Variants in ZNRF1 observed in about 807,000 individuals in gnomAD.
ZNRF1 encodes the protein zinc and ring finger 1.
Under a neutral mutation model 18.4 loss-of-function variants are expected in ZNRF1, and 3 were observed. The ratio of observed to expected loss-of-function variants is 0.16; its 90% CI spans 0.07 to 0.42. The LOEUF (loss-of-function observed/expected upper bound fraction) is 0.42, where lower values mean the gene tolerates loss of function less well. Ranked by LOEUF, ZNRF1 falls within the 10% of genes least tolerant of loss-of-function variation. ZNRF1 has a pLI of 0.99. For synonymous variants in ZNRF1, 157 were observed against 144.2 expected (o/e 1.09, Z -0.64); for missense variants, 310 against 329.8 (o/e 0.94, Z 0.47).
At chr16:75,003,250 C>A (rs557786972) in intron 1 of ZNRF1, among the ~76,000 whole-genome samples, 74 of 152,380 alleles carry the variant, frequency 4.9e-4, no homozygotes, top group Middle Eastern at 6.8e-3. Flanking sequence ...GCGTGAGCCA[C>A]TGCGCCCTGC....
chr16:75,066,064 A>T (rs998488194), intron 1 of ZNRF1, among the ~76,000 whole-genome samples: 1 of 152,348 alleles, frequency 6.6e-6, no homozygotes, highest in East Asian at 1.9e-4. Context: ...CTTTGCAGCT[A>T]GGCTCCAAAC....
chr16:75,104,246 T>C (rs958909090), intron 2 of ZNRF1: 2 of 152,466 alleles, frequency 1.3e-5, no homozygotes, highest in African/African-American at 4.8e-5. Flanking sequence ...CATCATCTTT[T>C]GTTTATCCGT....
rs761702393 is a variant in ZNRF1, at chr16:75,108,200, A to G, written c.*500A>G. 5 of 171,442 alleles carry G rather than the reference A, an allele frequency of 2.9e-5. No individual in the cohort carries two copies. The highest frequency in any genetic ancestry group is 1.7e-4 in the East Asian group (1 of 6,050). The allele number at this position is 171,442 out of a possible 1,614,324, so 10.6% of individuals were successfully genotyped here. A position where few individuals can be genotyped will look rare whatever the true frequency, so the allele number is the denominator to read the frequency against. On this transcript the variant is annotated 3_prime_UTR_variant, in exon 5 of 5. Coordinates refer to ENST00000335325, the MANE Select transcript of ZNRF1 (RefSeq NM_032268.5). ...CCCCAACTGGCCCTCTCCACCACCA[A>G]CTTCTCTACTTTGGGTTTGTTTGGT...
At chr16:75,029,396 C>T (rs1230542088) in intron 1 of ZNRF1, among the ~76,000 whole-genome samples, 4 of 152,160 alleles carry the variant, frequency 2.6e-5, no homozygotes, top group African/African-American at 9.7e-5. Flanking sequence ...GATTCGCCTG[C>T]CTCGGCTTCC....
intron 1 of ZNRF1, among the ~76,000 whole-genome samples, chr16:75,004,600 T>C (rs955263565): frequency 2.6e-5 from 4 of 152,084 alleles, no homozygotes; most frequent in African/African-American, 9.7e-5. Context: ...TACAAGGTGA[T>C]TGTGTTTTGT....
intron 1 of ZNRF1, among the ~76,000 whole-genome samples, chr16:75,092,308 G>A (rs2036149400): frequency 1.3e-5 from 2 of 152,134 alleles, no homozygotes; most frequent in Non-Finnish European, 1.5e-5. Context: ...GGGTGGCAGA[G>A]GCGATAGAAA....
In ZNRF1 at chr16:75,023,512, C is replaced by T. The variant is rs367717915; in HGVS notation, c.424+23417C>T. 5.9e-5 allele frequency among the ~76,000 whole-genome samples: 9 copies of T among 152,170 alleles called. No homozygotes were observed. The South Asian group carries it at 1.2e-3, about 21-fold the overall frequency. Reference sequence around the variant, plus strand: ...CAGCCTGGCCAACATGGCCAAACCCCGTCTCTACTAAAAATACAAAAATTA... The same window carrying T: ...CAGCCTGGCCAACATGGCCAAACCCTGTCTCTACTAAAAATACAAAAATTA... On this transcript the variant is annotated intron_variant, in intron 1 of 4. Coordinates refer to ENST00000335325, the MANE Select transcript of ZNRF1 (RefSeq NM_032268.5).
intron 1 of ZNRF1, among the ~76,000 whole-genome samples, chr16:75,054,469 T>C (rs189433596): frequency 9.7e-4 from 148 of 152,314 alleles, no homozygotes; most frequent in African/African-American, 3.4e-3. Context: ...TTTTCCTGCC[T>C]GATTCTCTGG....
chr16:75,066,356 G>A (rs1191884497), intron 1 of ZNRF1, among the ~76,000 whole-genome samples: 2 of 152,020 alleles, frequency 1.3e-5, no homozygotes, highest in African/African-American at 4.8e-5. Context: ...CCAAAGGAGG[G>A]GAAGACATGA....
intron 1 of ZNRF1, among the ~76,000 whole-genome samples, chr16:75,018,527 C>T (rs2035100799): frequency 1.3e-5 from 2 of 152,024 alleles, no homozygotes; most frequent in South Asian, 4.1e-4. Flanking sequence ...GGAATGTTTC[C>T]TGCTTTTGGA....
chr16:75,006,912 A>T (rs1191553209), intron 1 of ZNRF1, among the ~76,000 whole-genome samples: 1 of 152,188 alleles, frequency 6.6e-6, no homozygotes, highest in Non-Finnish European at 1.5e-5. Flanking sequence ...TTAGGTTCTC[A>T]CTAGAACACA....
Position 75,107,728 on chromosome 16 carries a change from C to T in ZNRF1, c.*33-5C>T. 2 of 456,428 alleles carry T rather than the reference C, an allele frequency of 4.4e-6. No individual in the cohort carries two copies. Among genetic ancestry groups the T allele is most frequent in the Non-Finnish European group, 8.8e-6 (2 of 226,794 alleles). The allele number at this position is 456,428 out of a possible 1,614,324, so 28.3% of individuals were successfully genotyped here. ...AGCACGACTTATTTATTACGGTCCA[C>T]ACAGGGACAGAGCGCCCCTGCTCCA... is the stretch of plus-strand genomic sequence containing the variant. On this transcript the variant is annotated splice_polypyrimidine_tract_variant and splice_region_variant and intron_variant, in intron 4 of 4. Coordinates refer to ENST00000335325, the MANE Select transcript of ZNRF1 (RefSeq NM_032268.5).
At chr16:75,028,072 A>G (rs112208748) in intron 1 of ZNRF1, among the ~76,000 whole-genome samples, 20 of 152,238 alleles carry the variant, frequency 1.3e-4, no homozygotes, top group African/African-American at 3.6e-4. Context: ...GCAAGGGCCA[A>G]TACCTCCATT....
chr16:75,091,870 C>G (rs1167084877), intron 1 of ZNRF1, among the ~76,000 whole-genome samples: 2 of 152,130 alleles, frequency 1.3e-5, no homozygotes, highest in African/African-American at 4.8e-5. Context: ...CACAACTTAA[C>G]TACTAATAGC....
At chr16:75,032,841 CCT>C (rs2035323837) in intron 1 of ZNRF1, among the ~76,000 whole-genome samples, 1 of 152,072 alleles carries the variant, frequency 6.6e-6, no homozygotes, top group Admixed American at 6.6e-5. Context: ...ACAGCAAGAC[CCT>C]GTCTCTACAA....
intron 1 of ZNRF1, among the ~76,000 whole-genome samples, chr16:75,051,064 C>T (rs1362018376): frequency 1.4e-5 from 2 of 145,034 alleles, no homozygotes; most frequent in African/African-American, 5.0e-5. Flanking sequence ...ACCTGGGTGT[C>T]GTGGCACATG....
chr16:75,085,505 C>G (rs1393741473), intron 1 of ZNRF1, among the ~76,000 whole-genome samples: 1 of 152,122 alleles, frequency 6.6e-6, no homozygotes, highest in African/African-American at 2.4e-5. Flanking sequence ...TTGTAAATGA[C>G]TATTTGTAGG....
At chr16:75,019,036 C>T (rs541302525) in intron 1 of ZNRF1, among the ~76,000 whole-genome samples, 5 of 152,116 alleles carry the variant, frequency 3.3e-5, no homozygotes, top group African/African-American at 1.2e-4. Context: ...CGTGGTGGCG[C>T]GTGACTGTAA....
At chr16:75,093,300 G>T (rs940670861) in intron 1 of ZNRF1, among the ~76,000 whole-genome samples, 1 of 151,654 alleles carries the variant, frequency 6.6e-6, no homozygotes, top group Non-Finnish European at 1.5e-5. Flanking sequence ...CAGGAGAATC[G>T]CTTGAACCCG....
Sources: gnomAD v4.1 joint callset for allele counts (sites outside exome capture counted in the v4.1 genomes callset) on GRCh38, gnomAD v4.1.1 for gene constraint, MANE v1.5 for transcripts, NCBI Gene and HGNC (gene_info 2026-07-23, HGNC 2026-07-21) for gene names.